Variants in PDE3A observed in about 807,000 individuals in gnomAD.
PDE3A encodes the protein cGMP-inhibited 3',5'-cyclic phosphodiesterase 3A.
Under a neutral mutation model 98.3 loss-of-function variants are expected in PDE3A, and 43 were observed. The observed-to-expected ratio is 0.44, with a 90% CI of 0.34 to 0.56. The LOEUF is 0.56. Ranked by LOEUF, PDE3A falls within the 20% of genes least tolerant of loss-of-function variation. The pLI is 0.01. For synonymous variants in PDE3A, 663 were observed against 567.9 expected, an observed-to-expected ratio of 1.17 and a Z score of -2.38; for missense variants, 1,427 against 1,440.7, an observed-to-expected ratio of 0.99 and a Z score of 0.15.
At chr12:20,444,192 T>C (rs1944915859) in intron 1 of PDE3A, among the ~76,000 whole-genome samples, 1 of 152,204 alleles carries the variant, frequency 6.6e-6, no homozygotes. Context: ...CCTGTTAGTT[T>C]CACTTACAGA....
At chr12:20,593,278 G>A (rs1360005025) in intron 2 of PDE3A, among the ~76,000 whole-genome samples, 1 of 152,182 alleles carries the variant, frequency 6.6e-6, no homozygotes, top group Non-Finnish European at 1.5e-5. Context: ...TAGCTGGAGG[G>A]ATGAGGCATT....
chr12:20,631,183 T>C (rs1018494760), intron 6 of PDE3A, among the ~76,000 whole-genome samples: 4 of 152,234 alleles, frequency 2.6e-5, no homozygotes, highest in Non-Finnish European at 5.9e-5. Context: ...TATTCTACTA[T>C]GCAAAAGTTA....
chr12:20,654,463 G>C (rs1287986519), intron 15 of PDE3A, among the ~76,000 whole-genome samples: 2 of 150,870 alleles, frequency 1.3e-5, no homozygotes, highest in East Asian at 3.9e-4. Flanking sequence ...ATAATAAGGA[G>C]TTGAAGCCTA....
chr12:20,676,953 T>A (rs531357185), intron 15 of PDE3A, among the ~76,000 whole-genome samples: 1 of 152,200 alleles, frequency 6.6e-6, no homozygotes, highest in Non-Finnish European at 1.5e-5. Flanking sequence ...AAACAGGTTT[T>A]CTGTCCCTTT....
In PDE3A at chr12:20,481,926, A is replaced by G. The variant is rs551823265; in HGVS notation, c.961-74734A>G. ...ACTACAGGCGCCCGCCACCACGCCCAGCTAATTTTTTGTATTTTTTGTAGA... is the reference window on the plus strand; with the variant it reads ...ACTACAGGCGCCCGCCACCACGCCCGGCTAATTTTTTGTATTTTTTGTAGA... On this transcript the variant is annotated intron_variant, in intron 1 of 15. Coordinates refer to ENST00000359062, the MANE Select transcript of PDE3A (RefSeq NM_000921.5). Among the ~76,000 whole-genome samples, 109 of 149,676 alleles carry G rather than the reference A, an allele frequency of 7.3e-4. 1 individual carries two copies. Among genetic ancestry groups the G allele is most frequent in the African/African-American group, 2.6e-3 (102 of 39,462 alleles).
At chr12:20,391,391 A>G (rs1186545092) in intron 1 of PDE3A, among the ~76,000 whole-genome samples, 7 of 91,106 alleles carry the variant, frequency 7.7e-5, no homozygotes, top group Admixed American at 1.3e-4. Flanking sequence ...ATATATATAC[A>G]CACACACATA....
At position 20,634,953 on chromosome 12, in the gene PDE3A, G is replaced by T. The variant is rs769669535; in HGVS notation, c.1898G>T (p.Ser633Ile). 5.4e-5 allele frequency: 87 copies of T among 1,607,112 alleles called. No individual in the cohort carries two copies. The highest frequency in any genetic ancestry group is 3.5e-4 in the Admixed American group (21 of 59,976). The stretch of plus-strand genomic sequence containing the variant: ...TATGAAACCAATAACAACAGTGACA[G>T]CAGTGACATTGTACAGAATGAAGAT... ...SDYETNNNSD[S>I]SDIVQNEDET... is the part of the protein sequence containing the mutation. Residue 633 changes from serine (S) to isoleucine (I), a missense_variant, in exon 8 of 16, where the codon AGC (serine) becomes ATC (isoleucine). Ser to Ile is a moderately radical substitution (Grantham distance 142). Coordinates refer to ENST00000359062, the MANE Select transcript of PDE3A (RefSeq NM_000921.5).
Position 20,430,235 on chromosome 12 carries a change from T to C in PDE3A, c.960+59991T>C, listed in dbSNP as rs1211979064. Among the ~76,000 whole-genome samples the C allele has an allele frequency of 4.6e-5, 7 of 152,188 alleles. No homozygotes were observed. In the East Asian group the frequency reaches 1.3e-3, roughly 29 times the overall value. ...TTTGTGGCTCAGCATTGTTGTTTCA[T>C]TGTCTATCAAAGTTAATAAAAATAA... On this transcript the variant is annotated intron_variant, in intron 1 of 15. Coordinates refer to ENST00000359062, the MANE Select transcript of PDE3A (RefSeq NM_000921.5).
intron 1 of PDE3A, chr12:20,551,710 C>G (rs1236463427): frequency 9.9e-6 from 16 of 1,613,406 alleles, no homozygotes; most frequent in Non-Finnish European, 1.4e-5. Context: ...GTGGTACTGC[C>G]CTGAGTGCCG....
At chr12:20,387,624 T>A (rs1257324310) in intron 1 of PDE3A, among the ~76,000 whole-genome samples, 1 of 152,010 alleles carries the variant, frequency 6.6e-6, no homozygotes, top group Non-Finnish European at 1.5e-5. Context: ...TTTGTATCCA[T>A]ATTAACTCAG....
chr12:20,444,077 C>T lies in PDE3A; in HGVS notation c.960+73833C>T, dbSNP rs1224332631. 3.3e-5 allele frequency among the ~76,000 whole-genome samples: 5 copies of T among 152,202 alleles called. 1 individual carries two copies. The East Asian group carries it at 9.7e-4, about 29-fold the overall frequency. On this transcript the variant is annotated intron_variant, in intron 1 of 15. Transcript: ENST00000359062. ...TATTGAGCACAGGAAAATTGATTTC[C>T]TATTCATAGTAGTGTGGCACATGTA...
intron 2 of PDE3A, among the ~76,000 whole-genome samples, chr12:20,598,909 A>C (rs1190660593): frequency 1.3e-5 from 2 of 152,164 alleles, no homozygotes; most frequent in African/African-American, 4.8e-5. Context: ...CCTTGGTCAA[A>C]TCAGCCTTCT....
At chr12:20,562,219 CTTTTT>C (rs138632511) in intron 2 of PDE3A, among the ~76,000 whole-genome samples, 5 of 114,182 alleles carry the variant, frequency 4.4e-5, no homozygotes, top group African/African-American at 9.7e-5. Context: ...AGAAAATATG[CTTTTT>C]TTTTTTTTTT....
chr12:20,667,588 C>T (rs915799166), intron 15 of PDE3A, among the ~76,000 whole-genome samples: 3 of 152,102 alleles, frequency 2.0e-5, no homozygotes, highest in African/African-American at 7.2e-5. Flanking sequence ...GCTATAAATA[C>T]ATGCATTTAT....
chr12:20,597,390 G>C (rs1206718707), intron 2 of PDE3A, among the ~76,000 whole-genome samples: 1 of 152,092 alleles, frequency 6.6e-6, no homozygotes, highest in Non-Finnish European at 1.5e-5. Flanking sequence ...GACTTATAGG[G>C]GCTCAAGATT....
In PDE3A at chr12:20,411,754, G is replaced by A. The variant is rs561781719; in HGVS notation, c.960+41510G>A. Among the ~76,000 whole-genome samples the A allele has an allele frequency of 4.6e-5, 7 of 152,216 alleles. No homozygotes were observed. In the East Asian group the frequency reaches 5.8e-4, roughly 13 times the overall value. ...GGTGGTTAGTGCAATGTAGAGGTCC[G>A]AGATAACCCCATTCTTGCTAAAAAC... On this transcript the variant is annotated intron_variant, in intron 1 of 15. Coordinates refer to ENST00000359062, the MANE Select transcript of PDE3A (RefSeq NM_000921.5).
chr12:20,588,672 T>C (rs1943245985), intron 2 of PDE3A, among the ~76,000 whole-genome samples: 1 of 152,140 alleles, frequency 6.6e-6, no homozygotes, highest in South Asian at 2.1e-4. Flanking sequence ...TGCCCCATGC[T>C]GCCTTGTCAG....
Position 20,621,326 on chromosome 12 carries a change from G to A in PDE3A, c.1455G>A (p.Met485Ile), listed in dbSNP as rs776883673. ...ATTCTTGGAATAATCCAGTGATGATGACCCTCACCAAAAGCAGATCCTTTA... is the reference window on the plus strand; with the variant it reads ...ATTCTTGGAATAATCCAGTGATGATAACCCTCACCAAAAGCAGATCCTTTA... Reference protein sequence around the residue: ...SPDSWNNPVMMTLTKSRSFTS... With the variant: ...SPDSWNNPVMITLTKSRSFTS... The change falls in exon 5 of 16, where the codon ATG (methionine) becomes ATA (isoleucine). Residue 485 changes from methionine (M) to isoleucine (I), a missense_variant. Transcript: ENST00000359062. 1.3e-5 allele frequency: 21 copies of A among 1,606,246 alleles called. No homozygotes were observed. The highest frequency in any genetic ancestry group is 1.4e-5 in the Non-Finnish European group (16 of 1,173,170).
At chr12:20,628,657 T>C (rs1944316980) in intron 5 of PDE3A, among the ~76,000 whole-genome samples, 1 of 152,144 alleles carries the variant, frequency 6.6e-6, no homozygotes, top group African/African-American at 2.4e-5. Flanking sequence ...ACAATAGATA[T>C]GTTGAGAAAG....
Sources: allele counts gnomAD v4.1 joint callset (sites outside exome capture counted in the v4.1 genomes callset), GRCh38; gene constraint gnomAD v4.1.1; transcripts MANE v1.5; gene names NCBI Gene and HGNC (gene_info 2026-07-23, HGNC 2026-07-21).